The following CDC42BPA variants were observed in gnomAD, a reference collection of about 807,000 sequenced individuals.
CDC42BPA encodes the protein serine/threonine-protein kinase MRCK alpha.
In CDC42BPA, 80 loss-of-function variants were observed where a neutral mutation model predicts 223.5. That is an observed-to-expected ratio of 0.36 (90% CI 0.30 to 0.43). The LOEUF is 0.43. CDC42BPA is among the 20% of genes least tolerant of loss of function. CDC42BPA has a pLI of 1.00. For missense variants in CDC42BPA, 1,743 were observed against 2,099.9 expected, an observed-to-expected ratio of 0.83 and a Z score of 3.32; for synonymous variants, 694 against 718.6, an observed-to-expected ratio of 0.97 and a Z score of 0.55.
Position 227,179,635 on chromosome 1 carries a change from C to CAAAAAA in CDC42BPA, c.599+14145_599+14150dup, listed in dbSNP as rs59744442. Among the ~76,000 whole-genome samples, 223 of 34,206 alleles carry CAAAAAA rather than the reference C, an allele frequency of 6.5e-3. 48 individuals are homozygous for CAAAAAA. The highest frequency in any genetic ancestry group is 0.024 in the South Asian group (12 of 510). The allele number at this position is 34,206 out of a possible 152,430, so 22.4% of individuals were successfully genotyped here. On this transcript the variant is annotated intron_variant, in intron 5 of 36. Coordinates refer to ENST00000366766, the MANE Select transcript of CDC42BPA (RefSeq NM_001394014.1). ...TGGGCAACAGAGCGAGCCTCCATCT[C>CAAAAAA]AAAAAAAAAAAAAAAAAAAAAAAAA...
rs1349521572 is a variant in CDC42BPA at position 227,132,933 on chromosome 1, G to A, written c.1391-3702C>T. ...TGAGAGGTGAGGAGCCCCTCCGCCC[G>A]GCAGCCGCCCTGTCTGAGAAGTGAG... On this transcript the variant is annotated intron_variant, in intron 10 of 36. Coordinates refer to ENST00000366766, the MANE Select transcript of CDC42BPA (RefSeq NM_001394014.1). 4.6e-5 allele frequency among the ~76,000 whole-genome samples: 7 copies of A among 150,546 alleles called. No individual in the cohort carries two copies. The South Asian group carries it at 8.5e-4, about 18-fold the overall frequency.
At chr1:227,008,516 T>C (rs1019206024) in intron 34 of CDC42BPA, among the ~76,000 whole-genome samples, 2 of 152,176 alleles carry the variant, frequency 1.3e-5, no homozygotes, top group Non-Finnish European at 2.9e-5. Flanking sequence ...AGTCTAGAAC[T>C]GGAAACTGAG....
At chr1:227,131,400 C>T (rs1260004619) in intron 10 of CDC42BPA, among the ~76,000 whole-genome samples, 2 of 152,066 alleles carry the variant, frequency 1.3e-5, no homozygotes, top group Non-Finnish European at 2.9e-5. Flanking sequence ...TAAATGGTAC[C>T]TTGAGAAGAA....
chr1:227,059,311 A>C (rs1675290210), intron 21 of CDC42BPA: 1 of 1,390,586 alleles, frequency 7.2e-7, no homozygotes, highest in Non-Finnish European at 1.0e-6. Context: ...AATCACAGGC[A>C]AAAGGATGAG....
intron 1 of CDC42BPA, among the ~76,000 whole-genome samples, chr1:227,295,124 A>C (rs1462156415): frequency 6.6e-6 from 1 of 152,102 alleles, no homozygotes; most frequent in Non-Finnish European, 1.5e-5. Flanking sequence ...TTACATACTA[A>C]GGAAAAATAA....
At chr1:227,064,653 G>A (rs188500469) in intron 21 of CDC42BPA, among the ~76,000 whole-genome samples, 6 of 152,240 alleles carry the variant, frequency 3.9e-5, no homozygotes, top group East Asian at 1.9e-4. Context: ...GGGCATGCAC[G>A]GTTGAAGGAA....
intron 2 of CDC42BPA, among the ~76,000 whole-genome samples, chr1:227,227,861 C>A (rs183482771): frequency 2.0e-5 from 3 of 152,238 alleles, no homozygotes; most frequent in Admixed American, 2.0e-4. Context: ...CATGTCTATA[C>A]ACTAGTAAAT....
chr1:227,069,365 TA>T (rs1677799416), intron 21 of CDC42BPA: 1 of 154,172 alleles, frequency 6.5e-6, no homozygotes, highest in Admixed American at 6.5e-5. Context: ...GTATAGTTTT[TA>T]AAAGATGAAT....
chr1:227,248,562 G>T (rs1681409370), intron 2 of CDC42BPA, among the ~76,000 whole-genome samples: 1 of 152,070 alleles, frequency 6.6e-6, no homozygotes, highest in Non-Finnish European at 1.5e-5. Context: ...AGCCAAAGAA[G>T]TAAAAGATGT....
chr1:227,029,878 T>C (rs1017644890), intron 29 of CDC42BPA, among the ~76,000 whole-genome samples: 1 of 152,146 alleles, frequency 6.6e-6, no homozygotes, highest in African/African-American at 2.4e-5. Flanking sequence ...CTCATGCTTA[T>C]AATCTCAGCA....
rs542418739 is a variant in CDC42BPA at position 227,142,894 on chromosome 1, A to T, written c.1223+51T>A. 3 of 1,253,464 alleles carry T rather than the reference A, an allele frequency of 2.4e-6. No individual in the cohort carries two copies. In the East Asian group the frequency reaches 8.4e-5, roughly 35 times the overall value. 77.6% of individuals were successfully genotyped at this position (1,253,464 alleles called of 1,614,324 possible). A position where few individuals can be genotyped will look rare whatever the true frequency, so the allele number is the denominator to read the frequency against. ...TGGCCTCCCAAAGTGTTGGGATTAC[A>T]GGCGTGAGCCACTGCACTTGGCCCA... On this transcript the variant is annotated intron_variant, in intron 9 of 36. Coordinates refer to ENST00000366766, the MANE Select transcript of CDC42BPA (RefSeq NM_001394014.1).
At chr1:227,313,079 G>A (rs1031615452) in intron 1 of CDC42BPA, among the ~76,000 whole-genome samples, 1 of 151,770 alleles carries the variant, frequency 6.6e-6, no homozygotes, top group African/African-American at 2.4e-5. Flanking sequence ...CTAAAATAAA[G>A]CAATACATAA....
chr1:227,315,349 A>G (rs1051180369), intron 1 of CDC42BPA, among the ~76,000 whole-genome samples: 4 of 152,106 alleles, frequency 2.6e-5, no homozygotes, highest in Admixed American at 2.0e-4. Flanking sequence ...CTCATAACAT[A>G]AAACTACTTA....
At chr1:227,162,908 GTATA>G (rs1558648259) in intron 5 of CDC42BPA, among the ~76,000 whole-genome samples, 13 of 130,274 alleles carry the variant, frequency 1.0e-4, no homozygotes, top group African/African-American at 3.8e-4. Flanking sequence ...ATATGTGTGT[GTATA>G]TGTGTGTGTT....
chr1:227,272,226 C>T (rs1686072637), intron 1 of CDC42BPA, among the ~76,000 whole-genome samples: 1 of 152,140 alleles, frequency 6.6e-6, no homozygotes, highest in Admixed American at 6.5e-5. Flanking sequence ...CCTTACCCTA[C>T]TGCTCTTAAA....
At chr1:227,060,470 GGTA>G (rs1395790678) in intron 21 of CDC42BPA, among the ~76,000 whole-genome samples, 3 of 152,144 alleles carry the variant, frequency 2.0e-5, no homozygotes, top group Non-Finnish European at 2.9e-5. Flanking sequence ...TTCACAGACT[GGTA>G]GAGAAGACAT....
chr1:227,031,234 T>C (rs919223036), intron 28 of CDC42BPA, 64 bp downstream of exon 28: 14 of 1,301,354 alleles, frequency 1.1e-5, no homozygotes, highest in Non-Finnish European at 1.5e-5. Context: ...TGAAAGCCAA[T>C]CCCTGTTCTC....
chr1:227,081,980 T>C (rs1680759927), intron 16 of CDC42BPA, among the ~76,000 whole-genome samples: 1 of 152,144 alleles, frequency 6.6e-6, no homozygotes, highest in Non-Finnish European at 1.5e-5. Context: ...ACAAAACTTG[T>C]TTATTAAACT....
intron 4 of CDC42BPA, among the ~76,000 whole-genome samples, chr1:227,199,071 T>C (rs1671280725): frequency 6.6e-6 from 1 of 152,070 alleles, no homozygotes; most frequent in African/African-American, 2.4e-5. Context: ...CTTAAAGTTG[T>C]ATCAAAAAAA....
Sources: gnomAD v4.1 joint callset for allele counts (sites outside exome capture counted in the v4.1 genomes callset) on GRCh38, gnomAD v4.1.1 for gene constraint, MANE v1.5 for transcripts, NCBI Gene and HGNC (gene_info 2026-07-23, HGNC 2026-07-21) for gene names.